MACROD2: variants seen among roughly 807,000 people sequenced by gnomAD.
MACROD2 encodes the protein ADP-ribose glycohydrolase MACROD2.
Under a neutral mutation model 70.4 loss-of-function variants are expected in MACROD2, and 36 were observed. The ratio of observed to expected loss-of-function variants is 0.51; its 90% confidence interval spans 0.39 to 0.68. The LOEUF (loss-of-function observed/expected upper bound fraction) is 0.68. Among genes scored for constraint, MACROD2 ranks in the 30% least tolerant of loss-of-function variants. The pLI, the probability that MACROD2 is intolerant of heterozygous loss-of-function variation, is 0.00. For synonymous variants in MACROD2, 172 were observed against 178.8 expected (o/e 0.96, Z 0.30); for missense variants, 496 against 538.4 (o/e 0.92, Z 0.78).
chr20:15,424,879 A>T (rs1258540528), intron 6 of MACROD2, among the ~76,000 whole-genome samples: 1 of 152,238 alleles, frequency 6.6e-6, no homozygotes, highest in Non-Finnish European at 1.5e-5. Context: ...GCCTATACAC[A>T]TACACACTTG....
chr20:15,395,950 C>T (rs572005375), intron 6 of MACROD2, among the ~76,000 whole-genome samples: 5 of 152,340 alleles, frequency 3.3e-5, no homozygotes, highest in Admixed American at 3.3e-4. Context: ...TCTATTGCAA[C>T]TTGCTGACTC....
chr20:15,314,400 G>A (rs1349070573), intron 6 of MACROD2, among the ~76,000 whole-genome samples: 1 of 152,138 alleles, frequency 6.6e-6, no homozygotes, highest in Non-Finnish European at 1.5e-5. Flanking sequence ...AGATCAACCT[G>A]GGCAACATGG....
chr20:16,037,992 C>T (rs2067257239), intron 15 of MACROD2, among the ~76,000 whole-genome samples: 1 of 151,756 alleles, frequency 6.6e-6, no homozygotes, highest in Admixed American at 6.6e-5. Context: ...ACACCAAATT[C>T]TCTCAGTCAT....
chr20:14,582,064 CATTT>C lies in MACROD2; in HGVS notation c.301+88558_301+88561del, dbSNP rs1981061531. Among the ~76,000 whole-genome samples, 5 of 23,070 alleles carry C rather than the reference CATTT, an allele frequency of 2.2e-4. No individual in the cohort carries two copies. In the Admixed American group the frequency reaches 4.4e-3, roughly 20 times the overall value. The allele number at this position is 23,070 out of a possible 152,430, so 15.1% of individuals were successfully genotyped here. The stretch of plus-strand genomic sequence containing the variant: ...ATTGGCTTTCCCCCTTCCTGTTTTA[CATTT>C]ACACTTCCTATCCCATTCAACTCTC... On this transcript the variant is annotated intron_variant, in intron 4 of 17. Coordinates refer to ENST00000684519, the MANE Select transcript of MACROD2 (RefSeq NM_001351661.2).
At chr20:15,738,208 AAC>A (rs1230095610) in intron 8 of MACROD2, among the ~76,000 whole-genome samples, 1 of 152,236 alleles carries the variant, frequency 6.6e-6, no homozygotes, top group Non-Finnish European at 1.5e-5. Flanking sequence ...GACTGCTTGT[AAC>A]ACAAATAATA....
At chr20:15,007,473 G>T in intron 5 of MACROD2, among the ~76,000 whole-genome samples, 1 of 152,122 alleles carries the variant, frequency 6.6e-6, no homozygotes. Context: ...AATGGAAATT[G>T]TAATAATGCA....
intron 5 of MACROD2, among the ~76,000 whole-genome samples, chr20:14,857,409 G>T (rs1004918241): frequency 3.3e-5 from 5 of 152,204 alleles, no homozygotes; most frequent in Admixed American, 2.0e-4. Context: ...TATGCTGGGA[G>T]ATATTTTTTA....
intron 3 of MACROD2, among the ~76,000 whole-genome samples, chr20:14,197,857 T>C (rs2081445926): frequency 6.6e-6 from 1 of 152,190 alleles, no homozygotes; most frequent in South Asian, 2.1e-4. Flanking sequence ...AAAAACATCA[T>C]GTTTACAGTG....
chr20:14,549,069 A>G (rs1040529386), intron 4 of MACROD2, among the ~76,000 whole-genome samples: 1 of 152,188 alleles, frequency 6.6e-6, no homozygotes, highest in African/African-American at 2.4e-5. Context: ...CATGTTCTAG[A>G]AGTCATACCA....
rs139245450 is a variant in MACROD2, at chr20:15,579,217, T to C, written c.645+79370T>C. On this transcript the variant is annotated intron_variant, in intron 8 of 17. Transcript: ENST00000684519. The stretch of plus-strand genomic sequence containing the variant: ...GTCTAGAGCAGAGCAGAGCTGCTGC[T>C]TTGAAATGAGTTATTGGGAGCCTCA... 2.6e-4 allele frequency among the ~76,000 whole-genome samples: 39 copies of C among 152,324 alleles called. No individual in the cohort carries two copies. The East Asian group carries it at 6.4e-3, about 25-fold the overall frequency.
chr20:14,110,499 A>C (rs1048008930), intron 3 of MACROD2, among the ~76,000 whole-genome samples: 1 of 152,044 alleles, frequency 6.6e-6, no homozygotes, highest in African/African-American at 2.4e-5. Context: ...CTTCACCAAA[A>C]AACAAATAGA....
intron 8 of MACROD2, among the ~76,000 whole-genome samples, chr20:15,694,511 C>A (rs2050340225): frequency 6.6e-6 from 1 of 151,990 alleles, no homozygotes; most frequent in South Asian, 2.1e-4. Flanking sequence ...ATTTGTATAT[C>A]TTCTTTTGAG....
At chr20:14,045,088 G>A (rs563414622) in intron 2 of MACROD2, among the ~76,000 whole-genome samples, 14 of 152,342 alleles carry the variant, frequency 9.2e-5, no homozygotes, top group East Asian at 3.9e-4. Flanking sequence ...TGCGGGGCCC[G>A]AGGAGCCCAC....
chr20:14,758,734 A>G (rs992304789), intron 5 of MACROD2, among the ~76,000 whole-genome samples: 1 of 152,122 alleles, frequency 6.6e-6, no homozygotes, highest in African/African-American at 2.4e-5. Context: ...GAATTACTCT[A>G]AGAATATCAT....
chr20:14,660,759 T>C (rs982390334), intron 4 of MACROD2, among the ~76,000 whole-genome samples: 5 of 152,172 alleles, frequency 3.3e-5, no homozygotes, highest in African/African-American at 9.7e-5. Flanking sequence ...TGTCTATGCA[T>C]ACCCAGTGTT....
chr20:14,272,775 G>A (rs188603017), intron 3 of MACROD2, among the ~76,000 whole-genome samples: 340 of 152,224 alleles, frequency 2.2e-3, no homozygotes, highest in African/African-American at 7.8e-3. Flanking sequence ...ACACACATAA[G>A]CTCAAAATAA....
intron 4 of MACROD2, among the ~76,000 whole-genome samples, chr20:14,557,487 T>C (rs1044556972): frequency 6.6e-6 from 1 of 151,902 alleles, no homozygotes; most frequent in Non-Finnish European, 1.5e-5. Flanking sequence ...GATAAGAAAC[T>C]TGTATCCAAA....
At chr20:15,203,021 A>G (rs945527752) in intron 5 of MACROD2, among the ~76,000 whole-genome samples, 2 of 152,170 alleles carry the variant, frequency 1.3e-5, no homozygotes, top group Admixed American at 1.3e-4. Flanking sequence ...GAAAAAATAG[A>G]TATAGAAAAT....
chr20:14,474,241 C>A (rs1351582021), intron 3 of MACROD2, among the ~76,000 whole-genome samples: 2 of 152,012 alleles, frequency 1.3e-5, no homozygotes, highest in East Asian at 1.9e-4. Flanking sequence ...TCCAAAAAAA[C>A]CTTGCCCAGC....
Sources: allele counts gnomAD v4.1 joint callset (sites outside exome capture counted in the v4.1 genomes callset), GRCh38; gene constraint gnomAD v4.1.1; transcripts MANE v1.5; gene names NCBI Gene and HGNC (gene_info 2026-07-23, HGNC 2026-07-21).